SHANK2: variants seen among roughly 807,000 people sequenced by gnomAD.
SHANK2 encodes SH3 and multiple ankyrin repeat domains protein 2.
Under a neutral mutation model 133.7 loss-of-function variants are expected in SHANK2, and 43 were observed. That is an observed-to-expected ratio of 0.32 (90% confidence interval 0.25 to 0.41). The LOEUF is 0.41. Among genes scored for constraint, SHANK2 ranks in the 10% least tolerant of loss-of-function variants. SHANK2 has a pLI of 1.00. For synonymous variants in SHANK2, 1,017 were observed against 952.8 expected (o/e 1.07, Z -1.24); for missense variants, 1,994 against 2,235.8 (o/e 0.89, Z 2.18).
chr11:70,521,745 A>G (rs781896448), intron 17 of SHANK2, among the ~76,000 whole-genome samples: 11 of 152,104 alleles, frequency 7.2e-5, no homozygotes, highest in Non-Finnish European at 1.0e-4. Context: ...TCCTTGGGTA[A>G]ACAGCAGCAC....
intron 17 of SHANK2, among the ~76,000 whole-genome samples, chr11:70,615,132 C>T (rs2060720943): frequency 6.6e-6 from 1 of 152,192 alleles, no homozygotes; most frequent in African/African-American, 2.4e-5. Context: ...CACTCAGCCT[C>T]CCTCTGAACC....
Position 71,200,831 on chromosome 11 carries a change from TACACAC to T in SHANK2, c.-13+23860_-13+23865del, listed in dbSNP as rs56749664. On this transcript the variant is annotated intron_variant, in intron 2 of 25. Transcript: ENST00000601538. ...CAGAGAGGTATCAAGTCTCAATTAA[TACACAC>T]ACACACACACACACACACACACACA... is the stretch of plus-strand genomic sequence containing the variant. Among the ~76,000 whole-genome samples the T allele has an allele frequency of 7.9e-3, 1,146 of 145,036 alleles. 14 individuals are homozygous for T. Among genetic ancestry groups the T allele is most frequent in the African/African-American group, 0.026 (1,031 of 39,178 alleles).
chr11:70,838,532 A>G (rs1948857923), intron 11 of SHANK2, among the ~76,000 whole-genome samples: 1 of 151,704 alleles, frequency 6.6e-6, no homozygotes, highest in Non-Finnish European at 1.5e-5. Context: ...TTGTTGGGGG[A>G]GTCTCTGTTG....
At chr11:71,133,423 T>G (rs375657366) in intron 3 of SHANK2, among the ~76,000 whole-genome samples, 6 of 85,616 alleles carry the variant, frequency 7.0e-5, no homozygotes, top group Non-Finnish European at 1.1e-4. Flanking sequence ...GATGGACAGA[T>G]GGAGGGAGGG....
intron 2 of SHANK2, among the ~76,000 whole-genome samples, chr11:71,153,594 AAAAC>A (rs1198748238): frequency 3.9e-5 from 6 of 152,184 alleles, no homozygotes; most frequent in Admixed American, 2.6e-4. Flanking sequence ...ATACATAATA[AAAAC>A]AAACAAAAAA....
At chr11:70,839,542 T>C (rs1177548205) in intron 11 of SHANK2, among the ~76,000 whole-genome samples, 1 of 152,218 alleles carries the variant, frequency 6.6e-6, no homozygotes, top group Non-Finnish European at 1.5e-5. Context: ...AGCCTTCCTG[T>C]GCCACTGGGC....
At chr11:70,867,081 T>C (rs1212681629) in intron 11 of SHANK2, among the ~76,000 whole-genome samples, 1 of 147,538 alleles carries the variant, frequency 6.8e-6, no homozygotes, top group Non-Finnish European at 1.5e-5. Flanking sequence ...CAGGACCTCG[T>C]AGCCCAGAGG....
intron 25 of SHANK2, among the ~76,000 whole-genome samples, chr11:70,481,144 G>A (rs1017723315): frequency 6.6e-6 from 1 of 152,192 alleles, no homozygotes; most frequent in Admixed American, 6.5e-5. Flanking sequence ...TAGAACTGAC[G>A]CCTCCATTCT....
intron 6 of SHANK2, among the ~76,000 whole-genome samples, chr11:71,108,053 G>A (rs782590534): frequency 6.6e-6 from 1 of 152,234 alleles, no homozygotes; most frequent in Non-Finnish European, 1.5e-5. Flanking sequence ...GAGAGCCACG[G>A]CCAAAGGCTG....
chr11:70,913,769 G>A lies in SHANK2; in HGVS notation c.1108-17202C>T, dbSNP rs78025995. ...CTAAAAAGGCATCCTCTCCAGAGAC[G>A]AGGAGCAGCAGGCATTAGGACCCTA... On this transcript the variant is annotated intron_variant, in intron 10 of 25. Transcript: ENST00000601538. 7.4e-3 allele frequency among the ~76,000 whole-genome samples: 1,128 copies of A among 152,262 alleles called. 6 individuals carry two copies. Among genetic ancestry groups the A allele is most frequent in the Non-Finnish European group, 0.012 (809 of 68,018 alleles).
intron 1 of SHANK2, among the ~76,000 whole-genome samples, chr11:71,230,280 C>A (rs1555122802): frequency 1.3e-5 from 2 of 151,828 alleles, no homozygotes; most frequent in Admixed American, 1.3e-4. Context: ...GGCAACAGAG[C>A]AAGACTCTGC....
intron 17 of SHANK2, among the ~76,000 whole-genome samples, chr11:70,584,160 C>A (rs1201873800): frequency 6.6e-6 from 1 of 152,150 alleles, no homozygotes; most frequent in Non-Finnish European, 1.5e-5. Context: ...CCTGATGTGT[C>A]CCCAGCTCTG....
chr11:71,155,650 T>C (rs1952893871), intron 2 of SHANK2, among the ~76,000 whole-genome samples: 1 of 137,322 alleles, frequency 7.3e-6, no homozygotes, highest in South Asian at 2.5e-4. Flanking sequence ...GCCTAGAAGC[T>C]GTCCCCCAAA....
intron 14 of SHANK2, among the ~76,000 whole-genome samples, chr11:70,723,953 A>T (rs1399416811): frequency 6.6e-6 from 1 of 151,164 alleles, no homozygotes; most frequent in East Asian, 1.9e-4. Context: ...ACAGCTCAAG[A>T]CCTTGCCAAA....
intron 11 of SHANK2, among the ~76,000 whole-genome samples, chr11:70,848,296 A>C (rs782639741): frequency 1.6e-4 from 24 of 152,216 alleles, no homozygotes; most frequent in Non-Finnish European, 2.9e-4. Flanking sequence ...ATGGGCTAAA[A>C]GAATCTGCCC....
chr11:71,144,543 GAAGA>G, intron 3 of SHANK2, among the ~76,000 whole-genome samples: 1 of 152,028 alleles, frequency 6.6e-6, no homozygotes. Flanking sequence ...GGTGGACTGA[GAAGA>G]GAGAAAAAAA....
At chr11:70,798,663 G>C in intron 13 of SHANK2, 107 bp from the exon 14 acceptor site, 1 of 668,814 alleles carries the variant, frequency 1.5e-6, no homozygotes, top group Non-Finnish European at 2.8e-6. Flanking sequence ...GCGCACCCCT[G>C]GCCAGGCCTG....
Position 71,057,976 on chromosome 11 carries a change from C to A in SHANK2, c.1030-1418G>T, listed in dbSNP as rs901352486. ...TCACCCAGGCTAGAGTGCAGCGGTG[C>A]GATCACAGCTCACAGCAGCCTCGAC... On this transcript the variant is annotated intron_variant, in intron 9 of 25. Transcript: ENST00000601538. 3.5e-4 allele frequency among the ~76,000 whole-genome samples: 50 copies of A among 143,702 alleles called. 1 individual carries two copies. The highest frequency in any genetic ancestry group is 1.2e-4 in the Non-Finnish European group (8 of 67,210). 94.3% of individuals were successfully genotyped at this position (143,702 alleles called of 152,430 possible).
At chr11:70,797,832 T>TACACACACACACACACACACACACACAC (rs368707688) in intron 14 of SHANK2, among the ~76,000 whole-genome samples, 1 of 141,944 alleles carries the variant, frequency 7.0e-6, no homozygotes, top group Admixed American at 7.1e-5. Flanking sequence ...TCCACTCTCA[T>TACACACACACACACACACACACACACAC]ACACACACAC....
Sources: allele counts gnomAD v4.1 joint callset (sites outside exome capture counted in the v4.1 genomes callset), GRCh38; gene constraint gnomAD v4.1.1; transcripts MANE v1.5; gene names NCBI Gene and HGNC (gene_info 2026-07-23, HGNC 2026-07-21).